The following PAM variants were observed in gnomAD, a reference collection of about 807,000 sequenced individuals.
PAM encodes peptidylglycine alpha-amidating monooxygenase, also known as peptidyl-glycine alpha-amidating monooxygenase.
Under a neutral mutation model 122.1 loss-of-function variants are expected in PAM, and 72 were observed. The ratio of observed to expected loss-of-function variants is 0.59; its 90% CI spans 0.49 to 0.72. The LOEUF (loss-of-function observed/expected upper bound fraction) is 0.72, where lower values mean the gene tolerates loss of function less well. Ranked by LOEUF, PAM falls within the 30% of genes least tolerant of loss-of-function variation. PAM has a pLI of 0.00. For missense variants in PAM, 1,106 were observed against 1,183.7 expected (o/e 0.93, Z 0.96); for synonymous variants, 389 against 404.4 (o/e 0.96, Z 0.46).
intron 4 of PAM, among the ~76,000 whole-genome samples, chr5:102,909,184 G>T (rs1014656400): frequency 5.3e-5 from 8 of 151,474 alleles, no homozygotes; most frequent in African/African-American, 1.7e-4. Context: ...AATACAAACA[G>T]TCTTAGAATA....
intron 14 of PAM, among the ~76,000 whole-genome samples, chr5:102,971,812 T>G (rs966132663): frequency 1.3e-5 from 2 of 152,162 alleles, no homozygotes; most frequent in African/African-American, 4.8e-5. Flanking sequence ...GGTTAACATT[T>G]CAGGATTCCA....
chr5:103,012,310 G>A (rs764317011), intron 21 of PAM, among the ~76,000 whole-genome samples: 2 of 152,272 alleles, frequency 1.3e-5, no homozygotes, highest in Non-Finnish European at 2.9e-5. Context: ...GCCTGTGCTT[G>A]TGGGGTATTA....
intron 7 of PAM, among the ~76,000 whole-genome samples, chr5:102,934,318 C>A (rs1031734416): frequency 6.6e-6 from 1 of 152,160 alleles, no homozygotes; most frequent in Admixed American, 6.6e-5. Context: ...CAATCTGAAT[C>A]CCCTTTCCAG....
chr5:102,785,627 G>A (rs1760309108), intron 1 of PAM, among the ~76,000 whole-genome samples: 1 of 152,070 alleles, frequency 6.6e-6, no homozygotes, highest in Non-Finnish European at 1.5e-5. Flanking sequence ...GAGGGAGAGA[G>A]TGAGGTCAAA....
At chr5:102,755,214 C>T (rs957652665), upstream of PAM, 4 of 152,408 alleles carry the variant, frequency 2.6e-5, no homozygotes, top group Non-Finnish European at 5.9e-5. Context: ...GAGAGGGAGC[C>T]CCCGCCACCG....
At chr5:102,851,294 A>C (rs1192693866) in intron 1 of PAM, among the ~76,000 whole-genome samples, 1 of 152,206 alleles carries the variant, frequency 6.6e-6, no homozygotes. Context: ...TTGCATAATT[A>C]AACTTAAATA....
chr5:102,991,054 T>C (rs1472532120), intron 16 of PAM, among the ~76,000 whole-genome samples: 1 of 152,200 alleles, frequency 6.6e-6, no homozygotes, highest in Non-Finnish European at 1.5e-5. Context: ...GGATTTTTAG[T>C]AAAAACATAG....
At chr5:102,993,952 G>A (rs1294486162) in intron 16 of PAM, among the ~76,000 whole-genome samples, 1 of 152,112 alleles carries the variant, frequency 6.6e-6, no homozygotes, top group Non-Finnish European at 1.5e-5. Context: ...GGCTTAGCCT[G>A]TGTCTTTTGT....
At chr5:103,019,763 T>TTC in intron 22 of PAM, 27 bp from the exon 23 acceptor site, 2 of 1,520,244 alleles carry the variant, frequency 1.3e-6, no homozygotes, top group Non-Finnish European at 1.8e-6. Context: ...ATTCTGACTT[T>TTC]TCTCTCTCCT....
chr5:102,819,487 A>C (rs1247343380), intron 1 of PAM, among the ~76,000 whole-genome samples: 1 of 151,982 alleles, frequency 6.6e-6, no homozygotes, highest in Non-Finnish European at 1.5e-5. Flanking sequence ...GAATTTTAGT[A>C]GGGTGACTCT....
At chr5:102,898,423 TATA>T (rs1388513752) in intron 3 of PAM, among the ~76,000 whole-genome samples, 2 of 151,586 alleles carry the variant, frequency 1.3e-5, no homozygotes, top group Non-Finnish European at 3.0e-5. Flanking sequence ...TGGGTTGAAT[TATA>T]GAAGCATCCT....
chr5:102,936,370 A>C (rs951782042), intron 7 of PAM, among the ~76,000 whole-genome samples: 6 of 152,272 alleles, frequency 3.9e-5, no homozygotes, highest in South Asian at 2.1e-4. Flanking sequence ...AAATGCCCCC[A>C]AAAATTTAGG....
chr5:102,894,245 GAACTGAGTT>G (rs913393083), intron 3 of PAM, among the ~76,000 whole-genome samples: 78 of 151,748 alleles, frequency 5.1e-4, no homozygotes, highest in African/African-American at 1.8e-3. Flanking sequence ...CAGAGAAGAA[GAACTGAGTT>G]CTTTAAAATA....
intron 1 of PAM, among the ~76,000 whole-genome samples, chr5:102,830,144 T>G (rs962155729): frequency 6.6e-6 from 1 of 152,206 alleles, no homozygotes; most frequent in African/African-American, 2.4e-5. Flanking sequence ...TCATTCTGAT[T>G]AATCACCAAT....
At chr5:102,836,897 A>AGG (rs1777245876) in intron 1 of PAM, among the ~76,000 whole-genome samples, 3 of 146,652 alleles carry the variant, frequency 2.0e-5, no homozygotes, top group African/African-American at 7.4e-5. Flanking sequence ...AGAGAGAGAG[A>AGG]GGTGCAAAAT....
chr5:102,931,088 C>G (rs1751344843), intron 7 of PAM, among the ~76,000 whole-genome samples: 1 of 152,052 alleles, frequency 6.6e-6, no homozygotes, highest in Non-Finnish European at 1.5e-5. Flanking sequence ...ATAAAGGTAC[C>G]TGGTTAAGTA....
chr5:102,879,838 C>T (rs1790401679), intron 3 of PAM, among the ~76,000 whole-genome samples: 1 of 152,206 alleles, frequency 6.6e-6, no homozygotes, highest in Non-Finnish European at 1.5e-5. Context: ...TCATGCTGTA[C>T]AGGCTTACAG....
At chr5:102,831,171 C>T (rs1428475719) in intron 1 of PAM, among the ~76,000 whole-genome samples, 1 of 152,148 alleles carries the variant, frequency 6.6e-6, no homozygotes, top group Non-Finnish European at 1.5e-5. Context: ...GTCTCACTTT[C>T]ATTTTTTCCT....
Position 103,019,808 on chromosome 5 carries a change from T to C in PAM, c.2450T>C (p.Val817Ala), listed in dbSNP as rs1490575082. The change falls in exon 23 of 26, where the codon GTT becomes GCT. Residue 817 changes from valine to alanine, a missense_variant. Physicochemically the swap from Val to Ala is moderately conservative, Grantham distance 64. Transcript: ENST00000438793. ...GTTACAGAATTGGAACATCGATCAGTTAAAAAGGCTGGCATTGAGGTCCAG... is the reference window on the plus strand; with the variant it reads ...GTTACAGAATTGGAACATCGATCAGCTAAAAAGGCTGGCATTGAGGTCCAG... ...TLTEKLEHRS[V>A]KKAGIEVQEI... 6.2e-7 allele frequency: 1 copy of C among 1,608,658 alleles called. No individual in the cohort carries two copies. The highest frequency in any genetic ancestry group is 8.5e-7 in the Non-Finnish European group (1 of 1,175,174).
Sources: gnomAD v4.1 joint callset for allele counts (sites outside exome capture counted in the v4.1 genomes callset) on GRCh38, gnomAD v4.1.1 for gene constraint, MANE v1.5 for transcripts, NCBI Gene and HGNC (gene_info 2026-07-23, HGNC 2026-07-21) for gene names.